The following CACNB4 variants were observed in gnomAD, a reference collection of about 807,000 sequenced individuals.
CACNB4 encodes calcium voltage-gated channel auxiliary subunit beta 4, also known as voltage-dependent L-type calcium channel subunit beta-4.
A neutral mutation model predicts 71.2 loss-of-function variants in CACNB4; 32 were observed. The observed-to-expected ratio is 0.45, with a 90% CI of 0.34 to 0.60. The LOEUF is 0.60. Among genes scored for constraint, CACNB4 ranks in the 20% least tolerant of loss-of-function variants. The pLI is 0.01. For synonymous variants in CACNB4, 231 were observed against 236.9 expected, an observed-to-expected ratio of 0.97 and a Z score of 0.23; for missense variants, 464 against 647.9, an observed-to-expected ratio of 0.72 and a Z score of 3.08.
At chr2:151,983,014 T>C (rs2099874990) in intron 2 of CACNB4, among the ~76,000 whole-genome samples, 3 of 152,190 alleles carry the variant, frequency 2.0e-5, no homozygotes, top group Admixed American at 2.0e-4. Context: ...AAGCCCAAGA[T>C]GGTAGTCAGT....
At chr2:151,930,394 T>G (rs558846431) in intron 2 of CACNB4, among the ~76,000 whole-genome samples, 1 of 152,260 alleles carries the variant, frequency 6.6e-6, no homozygotes, top group Admixed American at 6.5e-5. Flanking sequence ...GAATAAAGTA[T>G]ATAAAACTAA....
intron 2 of CACNB4, among the ~76,000 whole-genome samples, chr2:151,923,054 C>A (rs188952359): frequency 6.6e-6 from 1 of 152,172 alleles, no homozygotes; most frequent in Non-Finnish European, 1.5e-5. Context: ...GGGCTCATTG[C>A]GGACTTGTCT....
chr2:152,064,440 T>G (rs957445742), intron 2 of CACNB4, among the ~76,000 whole-genome samples: 1 of 152,164 alleles, frequency 6.6e-6, no homozygotes, highest in African/African-American at 2.4e-5. Flanking sequence ...GAGTGCAGTG[T>G]TGCGATCTCA....
intron 2 of CACNB4, among the ~76,000 whole-genome samples, chr2:151,976,051 A>AGG (rs1345702900): frequency 2.6e-5 from 4 of 152,218 alleles, no homozygotes; most frequent in Non-Finnish European, 5.9e-5. Context: ...TTTAAAGAGC[A>AGG]GGGGCGCACT....
chr2:151,982,595 T>G (rs1029930454), intron 2 of CACNB4, among the ~76,000 whole-genome samples: 6 of 142,802 alleles, frequency 4.2e-5, no homozygotes, highest in African/African-American at 1.6e-4. Context: ...ATTGCACCAC[T>G]GCACTCCAGC....
At chr2:152,063,679 T>A (rs533112938) in intron 2 of CACNB4, among the ~76,000 whole-genome samples, 1 of 152,270 alleles carries the variant, frequency 6.6e-6, no homozygotes, top group African/African-American at 2.4e-5. Flanking sequence ...AGCAAACAAC[T>A]TAAATTCTAC....
intron 2 of CACNB4, among the ~76,000 whole-genome samples, chr2:152,079,150 T>A (rs1026874885): frequency 6.6e-6 from 1 of 151,988 alleles, no homozygotes; most frequent in East Asian, 1.9e-4. Flanking sequence ...GTGCAGTGGC[T>A]CGATCTAAGC....
intron 12 of CACNB4, among the ~76,000 whole-genome samples, chr2:151,844,193 A>T (rs1391608052): frequency 6.6e-6 from 1 of 152,246 alleles, no homozygotes; most frequent in South Asian, 2.1e-4. Flanking sequence ...CAAGAAGCAT[A>T]AAGTGTGGTG....
chr2:151,983,367 C>T (rs1247760027), intron 2 of CACNB4, among the ~76,000 whole-genome samples: 1 of 152,088 alleles, frequency 6.6e-6, no homozygotes, highest in Non-Finnish European at 1.5e-5. Context: ...TGGTCATTTC[C>T]TTTGCAGTAT....
intron 2 of CACNB4, among the ~76,000 whole-genome samples, chr2:151,918,715 T>C (rs1054170363): frequency 6.6e-6 from 1 of 152,236 alleles, no homozygotes; most frequent in Non-Finnish European, 1.5e-5. Context: ...TACTGCTACA[T>C]GGCTGCTTAT....
At chr2:151,948,091 G>C (rs572237757) in intron 2 of CACNB4, among the ~76,000 whole-genome samples, 2 of 152,146 alleles carry the variant, frequency 1.3e-5, no homozygotes, top group African/African-American at 4.8e-5. Context: ...TGTATTTATT[G>C]CATTTGGATT....
rs773254424 is a variant in CACNB4, at chr2:152,099,029, T to A, written c.-18A>T. The A allele has an allele frequency of 6.0e-6, 9 of 1,511,360 alleles. No individual in the cohort carries two copies. The South Asian group carries it at 7.6e-5, about 13-fold the overall frequency. The allele number at this position is 1,511,360 out of a possible 1,614,324, so 93.6% of individuals were successfully genotyped here. A position where few individuals can be genotyped will look rare whatever the true frequency, so the allele number is the denominator to read the frequency against. ...GAGGACATCGTTCAGAGCCGCCGCA[T>A]GGCCAGCCCGTGTGCGGTGGGCGGA... On this transcript the variant is annotated 5_prime_UTR_variant, in exon 1 of 14. The change abolishes an upstream ATG in the 5' untranslated region. Coordinates refer to ENST00000539935, the MANE Select transcript of CACNB4 (RefSeq NM_000726.5).
chr2:151,912,838 G>C (rs1458563891), intron 2 of CACNB4, among the ~76,000 whole-genome samples: 1 of 152,160 alleles, frequency 6.6e-6, no homozygotes, highest in African/African-American at 2.4e-5. Flanking sequence ...CTTGTTTTAT[G>C]AATCTGGGTG....
Position 151,860,749 on chromosome 2 carries a change from C to T in CACNB4, c.830G>A (p.Arg277Lys). 1 of 1,613,822 alleles carries T rather than the reference C, an allele frequency of 6.2e-7. No homozygotes were observed. Among genetic ancestry groups the T allele is most frequent in the Non-Finnish European group, 8.5e-7 (1 of 1,179,724 alleles). Residue 277 changes from arginine (R) to lysine (K), a missense_variant, in exon 10 of 14, where the codon AGA (arginine) becomes AAA (lysine). Coordinates refer to ENST00000539935, the MANE Select transcript of CACNB4 (RefSeq NM_000726.5). Reference sequence around the variant, plus strand: ...GGTGTTCGAACGTTCAATTATTGCTCTCTTGCTGGGATTATTTAGGACAGA... The same window carrying T: ...GGTGTTCGAACGTTCAATTATTGCTTTCTTGCTGGGATTATTTAGGACAGA... ...KRSVLNNPSKRAIIERSNTRS... is the reference protein window; with the variant it reads ...KRSVLNNPSKKAIIERSNTRS...
At chr2:151,904,816 G>A (rs1245804694) in intron 2 of CACNB4, among the ~76,000 whole-genome samples, 1 of 152,114 alleles carries the variant, frequency 6.6e-6, no homozygotes, top group African/African-American at 2.4e-5. Context: ...ATTACAGGCA[G>A]GAGTTACCGC....
chr2:152,087,431 CAAAAAAA>C (rs754057435), intron 2 of CACNB4, among the ~76,000 whole-genome samples: 1 of 79,454 alleles, frequency 1.3e-5, no homozygotes, highest in Non-Finnish European at 2.5e-5. Context: ...GACCCCATCT[CAAAAAAA>C]AAAAAAAAAA....
chr2:152,067,780 A>G (rs562113571), intron 2 of CACNB4, among the ~76,000 whole-genome samples: 2 of 152,208 alleles, frequency 1.3e-5, no homozygotes, highest in East Asian at 3.9e-4. Context: ...TAAAACTCTT[A>G]CCTGTGGTGA....
At chr2:151,979,733 G>A (rs2099874400) in intron 2 of CACNB4, among the ~76,000 whole-genome samples, 1 of 152,246 alleles carries the variant, frequency 6.6e-6, no homozygotes, top group Admixed American at 6.5e-5. Flanking sequence ...CCTGGGGACA[G>A]ACAGGGATGG....
chr2:151,902,418 C>T (rs972647790), intron 2 of CACNB4, among the ~76,000 whole-genome samples: 7 of 152,114 alleles, frequency 4.6e-5, no homozygotes, highest in African/African-American at 1.7e-4. Context: ...CTTTATTAAC[C>T]CACTGGCAAA....
Sources: allele counts gnomAD v4.1 joint callset (sites outside exome capture counted in the v4.1 genomes callset), GRCh38; gene constraint gnomAD v4.1.1; transcripts MANE v1.5; gene names NCBI Gene and HGNC (gene_info 2026-07-23, HGNC 2026-07-21).